Variants in IGHMBP2 observed in about 807,000 individuals in gnomAD.
IGHMBP2 encodes the protein immunoglobulin mu DNA binding protein 2.
In IGHMBP2, 81 loss-of-function variants were observed where a neutral mutation model predicts 96.0. The observed-to-expected ratio is 0.84, with a 90% CI of 0.71 to 1.01. The LOEUF (loss-of-function observed/expected upper bound fraction) is 1.01, where lower values mean the gene tolerates loss of function less well. Ranked by LOEUF, IGHMBP2 falls within the 50% of genes least tolerant of loss-of-function variation. The pLI, the probability that IGHMBP2 is intolerant of heterozygous loss-of-function variation, is 0.00. For missense variants in IGHMBP2, 1,227 were observed against 1,306.3 expected, an observed-to-expected ratio of 0.94 and a Z score of 0.94; for synonymous variants, 557 against 548.9, an observed-to-expected ratio of 1.01 and a Z score of -0.21.
chr11:68,938,377 G>A lies in IGHMBP2; in HGVS notation c.2784+23G>A, dbSNP rs534616401. On this transcript the variant is annotated intron_variant, in intron 14 of 14. Transcript: ENST00000255078. ...GAGGTATGTCGGCCTCCCCTCCTGC[G>A]ATCAAACAGTGGGGAGGGGTGGTGG... is the stretch of plus-strand genomic sequence containing the variant. 3.8e-6 allele frequency: 6 copies of A among 1,589,122 alleles called. No individual in the cohort carries two copies. In the African/African-American group the frequency reaches 4.0e-5, roughly 11 times the overall value.
intron 5 of IGHMBP2, among the ~76,000 whole-genome samples, chr11:68,913,163 G>A (rs773792242): frequency 5.9e-5 from 9 of 151,818 alleles, no homozygotes; most frequent in Non-Finnish European, 7.4e-5. Flanking sequence ...GCGCAGGGAA[G>A]CCTGTCACTT....
intron 7 of IGHMBP2, among the ~76,000 whole-genome samples, chr11:68,922,630 G>C (rs747065211): frequency 6.6e-6 from 1 of 152,144 alleles, no homozygotes; most frequent in Non-Finnish European, 1.5e-5. Flanking sequence ...TCCTGACCTC[G>C]TGATCCGCCT....
In IGHMBP2 at chr11:68,939,905, A is replaced by G. The variant is rs2154009342; in HGVS notation, c.*174A>G. The G allele has an allele frequency of 1.5e-6, 1 of 655,442 alleles. No individual in the cohort carries two copies. The highest frequency in any genetic ancestry group is 2.9e-5 in the Admixed American group (1 of 33,936). The allele number at this position is 655,442 out of a possible 1,614,324, so 40.6% of individuals were successfully genotyped here. ...TGGACCCCAGGGATAAGCTTTTCCGATGTCACAATGTGGAGGAAAGCACCT... is the reference window on the plus strand; with the variant it reads ...TGGACCCCAGGGATAAGCTTTTCCGGTGTCACAATGTGGAGGAAAGCACCT... On this transcript the variant is annotated 3_prime_UTR_variant, in exon 15 of 15. Coordinates refer to ENST00000255078, the MANE Select transcript of IGHMBP2 (RefSeq NM_002180.3).
chr11:68,926,277 T>G (rs1859064664), intron 7 of IGHMBP2: 1 of 148,530 alleles, frequency 6.7e-6, no homozygotes, highest in African/African-American at 2.5e-5. Context: ...TTTTTTTTTT[T>G]TTTTTTTTTT....
rs1034569953 is a variant in IGHMBP2, at chr11:68,908,238, C to T, written c.350C>T (p.Ala117Val). 35 of 1,613,826 alleles carry T rather than the reference C, an allele frequency of 2.2e-5. No homozygotes were observed. The highest frequency in any genetic ancestry group is 3.0e-5 in the Non-Finnish European group (35 of 1,179,964). ...TRVTQKSVTV[A>V]FDESHDFQLS... ...GTCACCCAGAAGTCGGTCACGGTGG[C>T]CTTTGATGAGTCCCACGATTTCCAG... The change falls in exon 3 of 15, where the codon GCC (alanine) becomes GTC (valine). Residue 117 changes from alanine (A) to valine (V), a missense_variant. By Grantham distance (64) the Ala-to-Val change is moderately conservative. This residue lies in a region of IGHMBP2 where 507 missense variants were observed against 496.9 expected (regional missense o/e 1.02). Transcript: ENST00000255078.
intron 7 of IGHMBP2, among the ~76,000 whole-genome samples, chr11:68,924,948 G>T (rs7119912): frequency 6.6e-6 from 1 of 151,896 alleles, no homozygotes; most frequent in Non-Finnish European, 1.5e-5. Flanking sequence ...AACATTATGA[G>T]ATTTTTGTCT....
At chr11:68,938,771 C>T (rs1227088631) in intron 14 of IGHMBP2, among the ~76,000 whole-genome samples, 3 of 152,090 alleles carry the variant, frequency 2.0e-5, no homozygotes, top group Non-Finnish European at 4.4e-5. Flanking sequence ...CAGGTGTGGG[C>T]GCCTGTGGAA....
intron 14 of IGHMBP2, among the ~76,000 whole-genome samples, chr11:68,939,285 A>G (rs1466112933): frequency 6.6e-6 from 1 of 152,068 alleles, no homozygotes; most frequent in Non-Finnish European, 1.5e-5. Context: ...AAGTGGCCGC[A>G]GGGACCGTGT....
intron 2 of IGHMBP2, among the ~76,000 whole-genome samples, chr11:68,907,252 C>T (rs1566424141): frequency 1.3e-5 from 2 of 151,940 alleles, no homozygotes; most frequent in East Asian, 3.9e-4. Flanking sequence ...AAAGTGAGAC[C>T]CTCTCTCAAA....
intron 8 of IGHMBP2, chr11:68,929,955 A>ACACTGG (rs1211779429): frequency 9.9e-5 from 106 of 1,074,294 alleles, no homozygotes; most frequent in South Asian, 3.3e-4. Flanking sequence ...CTTGGTGGAG[A>ACACTGG]AAGTGCTGCC....
At chr11:68,911,399 C>A in intron 4 of IGHMBP2, 41 bp from the exon 5 acceptor site, 1 of 1,608,156 alleles carries the variant, frequency 6.2e-7, no homozygotes, top group East Asian at 2.2e-5. Context: ...CCACAGAGCT[C>A]CCCAGAGCAC....
At chr11:68,935,183 C>T in intron 11 of IGHMBP2, 116 bp from the exon 12 acceptor site, 2 of 1,407,554 alleles carry the variant, frequency 1.4e-6, no homozygotes, top group African/African-American at 1.4e-5. Context: ...CCTGCAGGCT[C>T]CGCTTCCCAG....
chr11:68,929,448 C>T, intron 8 of IGHMBP2, 91 bp downstream of exon 8: 1 of 1,261,128 alleles, frequency 7.9e-7, no homozygotes, highest in Admixed American at 1.9e-5. Flanking sequence ...TCACCAGGAG[C>T]CCCTGCGGTG....
rs1859392308 is a variant in IGHMBP2, at chr11:68,933,396, C to G, written c.1333C>G (p.His445Asp). The change falls in exon 9 of 15, where the codon CAC (histidine) becomes GAC (aspartate). Residue 445 changes from histidine (H) to aspartate (D), a missense_variant. Coordinates refer to ENST00000255078, the MANE Select transcript of IGHMBP2 (RefSeq NM_002180.3). ...GACACTGACGGTGCAGTACCGCATGCACCAGGCTATCATGCGCTGGGCCTC... is the reference window on the plus strand; with the variant it reads ...GACACTGACGGTGCAGTACCGCATGGACCAGGCTATCATGCGCTGGGCCTC... ...VRTLTVQYRM[H>D]QAIMRWASDT... 6.2e-7 allele frequency: 1 copy of G among 1,613,052 alleles called. No individual in the cohort carries two copies. The highest frequency in any genetic ancestry group is 1.1e-5 in the South Asian group (1 of 90,908).
At chr11:68,929,792 A>G (rs1175460508) in intron 8 of IGHMBP2, 1 of 970,962 alleles carries the variant, frequency 1.0e-6, no homozygotes, top group Admixed American at 6.8e-5. Flanking sequence ...TCAGCAAACC[A>G]TGGTTCTGCC....
chr11:68,936,669 G>C lies in IGHMBP2; in HGVS notation c.2189G>C (p.Arg730Pro), dbSNP rs765230277. The part of the protein sequence containing the change: ...VESQDGVDHF[R>P]AMIVEFMASK... ...AGCCAAGATGGCGTGGACCACTTCCGGGCCATGATAGTGGAGTTCATGGCC... is the reference window on the plus strand; with the variant it reads ...AGCCAAGATGGCGTGGACCACTTCCCGGCCATGATAGTGGAGTTCATGGCC... The change falls in exon 13 of 15, where the codon CGG becomes CCG. Residue 730 changes from arginine (R) to proline (P), a missense_variant. Arg to Pro is a moderately radical substitution (Grantham distance 103, BLOSUM62 -2). Transcript: ENST00000255078. 1.2e-6 allele frequency: 2 copies of C among 1,613,818 alleles called. No homozygotes were observed.
At chr11:68,908,503 G>T (rs1383964205) in intron 3 of IGHMBP2, 31 bp from the exon 4 acceptor site, 2 of 1,563,192 alleles carry the variant, frequency 1.3e-6, no homozygotes, top group African/African-American at 2.7e-5. Context: ...TGAATTGCAG[G>T]TGTTCTAATT....
chr11:68,910,750 G>A (rs535217001), intron 4 of IGHMBP2, among the ~76,000 whole-genome samples: 1 of 152,200 alleles, frequency 6.6e-6, no homozygotes, highest in South Asian at 2.1e-4. Flanking sequence ...GGGCATGGTG[G>A]CACTCACCTG....
intron 7 of IGHMBP2, among the ~76,000 whole-genome samples, chr11:68,921,067 T>C (rs1300237252): frequency 1.3e-5 from 2 of 151,764 alleles, no homozygotes; most frequent in African/African-American, 2.4e-5. Context: ...GTGAATTTTT[T>C]TGTAGATAGC....
Sources: allele counts gnomAD v4.1 joint callset (sites outside exome capture counted in the v4.1 genomes callset), GRCh38; gene constraint gnomAD v4.1.1; regional missense constraint gnomAD v4.1.1; transcripts MANE v1.5; gene names NCBI Gene and HGNC (gene_info 2026-07-23, HGNC 2026-07-21).